Variants in CROT observed in about 807,000 individuals in gnomAD.
The protein encoded by CROT is peroxisomal carnitine O-octanoyltransferase.
Under a neutral mutation model 89.2 loss-of-function variants are expected in CROT, and 84 were observed. The ratio of observed to expected loss-of-function variants is 0.94; its 90% confidence interval spans 0.79 to 1.13. CROT has a LOEUF of 1.13. Ranked by LOEUF, CROT falls within the 50% of genes most tolerant of loss-of-function variation. CROT has a pLI of 0.00. For synonymous variants in CROT, 212 were observed against 239.5 expected, an observed-to-expected ratio of 0.89 and a Z score of 1.06; for missense variants, 711 against 727.8, an observed-to-expected ratio of 0.98 and a Z score of 0.27.
In CROT at chr7:87,381,954, T is replaced by C. The variant is rs781280289; in HGVS notation, c.1023T>C (p.Tyr341=). The part of the protein sequence containing the change: ...DAMIMVNISY[Y]VDEKIFQNEG... ...TGATTATGGTGAACATCAGTTATTA[T>C]GTGGATGAGAAAATTTTTCAGAATG... Residue 341 remains tyrosine (Y), a synonymous_variant, in exon 11 of 18, where the codon TAT becomes TAC. Coordinates refer to ENST00000331536, the MANE Select transcript of CROT (RefSeq NM_021151.4). 1.1e-5 allele frequency: 17 copies of C among 1,611,156 alleles called. No individual in the cohort carries two copies. The highest frequency in any genetic ancestry group is 8.3e-5 in the Admixed American group (5 of 59,900).
intron 10 of CROT, among the ~76,000 whole-genome samples, chr7:87,381,501 CA>C (rs1237043908): frequency 1.3e-5 from 2 of 152,176 alleles, no homozygotes; most frequent in Non-Finnish European, 2.9e-5. Context: ...ATGCCCATCC[CA>C]AATGCTTTCA....
chr7:87,393,009 G>A lies in CROT; in HGVS notation c.1660G>A (p.Val554Met). The A allele has an allele frequency of 8.7e-6, 14 of 1,613,598 alleles. No homozygotes were observed. The highest frequency in any genetic ancestry group is 1.2e-5 in the Non-Finnish European group (14 of 1,179,616). The change falls in exon 17 of 18, where the codon GTG (valine) becomes ATG (methionine). Residue 554 changes from valine (V) to methionine (M), a missense_variant. By Grantham distance (21) the Val-to-Met change is conservative (BLOSUM62 1). Transcript: ENST00000331536. ...GGTTGGCTATTTACGAGTCCAGGGA[G>A]TGGTAGTTCCCATGGTACACAATGG... ...SLVGYLRVQG[V>M]VVPMVHNGYG...
chr7:87,355,471 C>T (rs1806034307), intron 3 of CROT, among the ~76,000 whole-genome samples: 1 of 152,056 alleles, frequency 6.6e-6, no homozygotes. Flanking sequence ...TACCTTCTTT[C>T]ATAGGTAAAT....
chr7:87,395,821 C>T (rs1477242353), intron 17 of CROT, among the ~76,000 whole-genome samples: 5 of 152,176 alleles, frequency 3.3e-5, no homozygotes, highest in South Asian at 4.2e-4. Context: ...AATTCAGGCT[C>T]TAGATCGGGG....
intron 2 of CROT, among the ~76,000 whole-genome samples, chr7:87,348,219 T>A (rs1805753612): frequency 6.6e-6 from 1 of 151,710 alleles, no homozygotes; most frequent in Admixed American, 6.6e-5. Flanking sequence ...TTAATATAAT[T>A]AATATATGAT....
At chr7:87,394,555 TAA>T (rs58160892) in intron 17 of CROT, among the ~76,000 whole-genome samples, 3 of 148,602 alleles carry the variant, frequency 2.0e-5, no homozygotes, top group African/African-American at 7.4e-5. Context: ...AAGTACTATT[TAA>T]AAAAAAAAAG....
At chr7:87,395,324 C>G (rs1335081909) in intron 17 of CROT, among the ~76,000 whole-genome samples, 1 of 152,174 alleles carries the variant, frequency 6.6e-6, no homozygotes, top group Non-Finnish European at 1.5e-5. Context: ...AGATGGTGCC[C>G]TCCCAGATTA....
intron 3 of CROT, among the ~76,000 whole-genome samples, chr7:87,357,819 A>C (rs1806131147): frequency 6.6e-6 from 1 of 152,234 alleles, no homozygotes; most frequent in African/African-American, 2.4e-5. Flanking sequence ...TATCCTTGAC[A>C]TTTTAGTGTG....
intron 13 of CROT, 78 bp downstream of exon 13, chr7:87,382,621 C>A: frequency 7.0e-7 from 1 of 1,436,536 alleles, no homozygotes. Context: ...TTCATCCTAA[C>A]TCCTCAGTAT....
intron 13 of CROT, among the ~76,000 whole-genome samples, chr7:87,383,939 G>T (rs1014769856): frequency 1.3e-5 from 2 of 152,082 alleles, no homozygotes; most frequent in Admixed American, 6.6e-5. Context: ...ATACCTAGCA[G>T]TGGGATCATC....
At chr7:87,396,075 G>A (rs1317864968) in intron 17 of CROT, among the ~76,000 whole-genome samples, 1 of 152,118 alleles carries the variant, frequency 6.6e-6, no homozygotes, top group Non-Finnish European at 1.5e-5. Context: ...AGCCAGTCTA[G>A]GAAATCATGA....
chr7:87,398,259 AAG>A (rs1807611998), intron 17 of CROT: 1 of 614,836 alleles, frequency 1.6e-6, no homozygotes, highest in Non-Finnish European at 3.0e-6. Flanking sequence ...TAAACGCAGT[AAG>A]ACCTAGCTTC....
intron 17 of CROT, among the ~76,000 whole-genome samples, chr7:87,396,145 T>G (rs1192230279): frequency 1.3e-5 from 2 of 152,206 alleles, no homozygotes; most frequent in African/African-American, 4.8e-5. Context: ...GTATGGATGT[T>G]GGGCCAGTTT....
rs538392355 is a variant in CROT at position 87,358,496 on chromosome 7, A to AG, written c.116-710_116-709insG. Among the ~76,000 whole-genome samples the AG allele has an allele frequency of 5.3e-3, 802 of 151,448 alleles. 4 individuals carry two copies. The highest frequency in any genetic ancestry group is 8.7e-3 in the Non-Finnish European group (589 of 67,808). The stretch of plus-strand genomic sequence containing the variant: ...GACTCCATCTCAAAAAAAAAAAAAA[A>AG]AAAAGAAAAGAAATTCAAGTACAAC... On this transcript the variant is annotated intron_variant, in intron 3 of 17. Transcript: ENST00000331536.
chr7:87,393,155 C>T, intron 17 of CROT, 88 bp downstream of exon 17: 2 of 1,354,264 alleles, frequency 1.5e-6, no homozygotes, highest in Non-Finnish European at 2.0e-6. Flanking sequence ...CACTGTGATT[C>T]TTATATTGCC....
At chr7:87,349,349 GAC>G (rs1488984928) in intron 3 of CROT, among the ~76,000 whole-genome samples, 166 bp downstream of exon 3, 3 of 152,244 alleles carry the variant, frequency 2.0e-5, no homozygotes, top group Non-Finnish European at 2.9e-5. Context: ...AGTGAGAAGA[GAC>G]AGTTTATTGA....
At chr7:87,389,278 T>C (rs1418465499) in intron 13 of CROT, among the ~76,000 whole-genome samples, 5 of 152,200 alleles carry the variant, frequency 3.3e-5, no homozygotes, top group African/African-American at 1.2e-4. Context: ...GCTAGATATA[T>C]ACCCAAAGGA....
At chr7:87,382,229 C>A (rs1359191998) in intron 12 of CROT, 48 bp downstream of exon 12, 2 of 1,492,782 alleles carry the variant, frequency 1.3e-6, no homozygotes, top group South Asian at 1.2e-5. Context: ...TTTCTTTTAA[C>A]AACCATATGT....
At chr7:87,362,960 A>G (rs926500179) in intron 6 of CROT, among the ~76,000 whole-genome samples, 15 of 152,190 alleles carry the variant, frequency 9.9e-5, no homozygotes, top group Non-Finnish European at 2.9e-5. Flanking sequence ...CAGTGAAACA[A>G]TTAAAAGATT....
Sources: gnomAD v4.1 joint callset for allele counts (sites outside exome capture counted in the v4.1 genomes callset) on GRCh38, gnomAD v4.1.1 for gene constraint, MANE v1.5 for transcripts, NCBI Gene and HGNC (gene_info 2026-07-23, HGNC 2026-07-21) for gene names.